Variants in CPQ observed in about 807,000 individuals in gnomAD.
The protein encoded by CPQ is Ser-Met dipeptidase.
Under a neutral mutation model 45.7 loss-of-function variants are expected in CPQ, and 37 were observed. The observed-to-expected ratio is 0.81, with a 90% confidence interval of 0.62 to 1.07. The LOEUF (loss-of-function observed/expected upper bound fraction) is 1.07, where lower values mean the gene tolerates loss of function less well. CPQ is among the 50% of genes least tolerant of loss of function. The pLI is 0.00. For synonymous variants in CPQ, 186 were observed against 205.8 expected (o/e 0.90, Z 0.82); for missense variants, 537 against 572.9 (o/e 0.94, Z 0.64).
At position 96,896,656 on chromosome 8, in the gene CPQ, A is replaced by G. The variant is rs547631588; in HGVS notation, c.849+16651A>G. ...TCCCTGAGAAGCCTCTCTTAATTAC[A>G]CACCCATATACAATGTTTCTCTCTT... On this transcript the variant is annotated intron_variant, in intron 4 of 7. Coordinates refer to ENST00000220763, the MANE Select transcript of CPQ (RefSeq NM_016134.4). 5.4e-4 allele frequency among the ~76,000 whole-genome samples: 82 copies of G among 152,242 alleles called. 1 individual carries two copies. Among genetic ancestry groups the G allele is most frequent in the Non-Finnish European group, 1.0e-3 (69 of 68,004 alleles).
At chr8:96,758,525 G>C (rs888112255) in intron 1 of CPQ, among the ~76,000 whole-genome samples, 8 of 152,138 alleles carry the variant, frequency 5.3e-5, no homozygotes, top group African/African-American at 1.9e-4. Flanking sequence ...TACTTTGCCA[G>C]TCAATGAAGG....
intron 5 of CPQ, among the ~76,000 whole-genome samples, chr8:96,975,984 G>A (rs370153859): frequency 6.6e-6 from 1 of 152,092 alleles, no homozygotes; most frequent in East Asian, 1.9e-4. Flanking sequence ...GGAAGTCCTA[G>A]CTAGAGTCAT....
rs558062596 is a variant in CPQ, at chr8:96,668,316, A to T, written c.-35+22914A>T. ...TATATGTCTGCAATCAGACATTTAG[A>T]TATTGAAAATCTAAACATGAATCTT... On this transcript the variant is annotated intron_variant, in intron 1 of 7. Transcript: ENST00000220763. 4.7e-4 allele frequency among the ~76,000 whole-genome samples: 72 copies of T among 152,364 alleles called. 1 individual carries two copies. In the South Asian group the frequency reaches 0.015, roughly 32 times the overall value.
intron 4 of CPQ, among the ~76,000 whole-genome samples, chr8:96,931,040 G>A (rs1444238033): frequency 6.6e-6 from 1 of 152,138 alleles, no homozygotes; most frequent in Non-Finnish European, 1.5e-5. Context: ...CAATGACTAC[G>A]ACACACTGAA....
chr8:97,028,811 A>G (rs1375457477), intron 5 of CPQ, among the ~76,000 whole-genome samples: 1 of 152,206 alleles, frequency 6.6e-6, no homozygotes, highest in African/African-American at 2.4e-5. Context: ...ATCCTCATTC[A>G]ATTAATTTTC....
chr8:96,697,752 A>G (rs954175734), intron 1 of CPQ, among the ~76,000 whole-genome samples: 1 of 152,122 alleles, frequency 6.6e-6, no homozygotes, highest in Non-Finnish European at 1.5e-5. Context: ...AAGTAATCCC[A>G]CTTACAGTAG....
chr8:96,763,368 T>C (rs1044927278), intron 1 of CPQ, among the ~76,000 whole-genome samples: 5 of 152,174 alleles, frequency 3.3e-5, no homozygotes, highest in African/African-American at 1.2e-4. Flanking sequence ...TGAATTGCCT[T>C]TGTACCTTTC....
At position 96,708,899 on chromosome 8, in the gene CPQ, A is replaced by G. The variant is rs75957409; in HGVS notation, c.-35+63497A>G. 6.4e-3 allele frequency among the ~76,000 whole-genome samples: 979 copies of G among 152,290 alleles called. 1 individual carries two copies. Among genetic ancestry groups the G allele is most frequent in the Non-Finnish European group, 0.011 (724 of 68,012 alleles). On this transcript the variant is annotated intron_variant, in intron 1 of 7. Coordinates refer to ENST00000220763, the MANE Select transcript of CPQ (RefSeq NM_016134.4). Reference sequence around the variant, plus strand: ...ATCACCCACCATTCACCACTGTTGAATATTCTTAATATATAACTCCTAAAA... The same window carrying G: ...ATCACCCACCATTCACCACTGTTGAGTATTCTTAATATATAACTCCTAAAA...
chr8:96,790,616 C>G (rs140636813), intron 2 of CPQ, among the ~76,000 whole-genome samples: 1 of 152,036 alleles, frequency 6.6e-6, no homozygotes, highest in East Asian at 1.9e-4. Flanking sequence ...AAAGCTCTTA[C>G]GTTCTTGTCT....
intron 2 of CPQ, among the ~76,000 whole-genome samples, chr8:96,827,371 C>T (rs1246558880): frequency 2.0e-5 from 3 of 152,068 alleles, no homozygotes; most frequent in Non-Finnish European, 4.4e-5. Flanking sequence ...GCCTACTCCA[C>T]TTTTCTGTCC....
chr8:97,087,639 C>T (rs1009922331), intron 7 of CPQ, among the ~76,000 whole-genome samples: 10 of 152,022 alleles, frequency 6.6e-5, no homozygotes, highest in Admixed American at 6.6e-5. Context: ...CTAAATTAGC[C>T]AAGTTTGTGC....
At chr8:96,844,783 A>C (rs1034677186) in intron 3 of CPQ, among the ~76,000 whole-genome samples, 1 of 152,038 alleles carries the variant, frequency 6.6e-6, no homozygotes, top group Admixed American at 6.5e-5. Flanking sequence ...GTGTTCAAAG[A>C]CTCAAAAGAC....
At chr8:96,772,508 T>C (rs931804192) in intron 1 of CPQ, among the ~76,000 whole-genome samples, 1 of 152,006 alleles carries the variant, frequency 6.6e-6, no homozygotes. Context: ...AAATGATATA[T>C]GGTGCCTTGA....
intron 2 of CPQ, among the ~76,000 whole-genome samples, chr8:96,787,410 T>G (rs905167945): frequency 2.6e-5 from 4 of 152,014 alleles, no homozygotes; most frequent in Non-Finnish European, 5.9e-5. Context: ...CCCACTTGAT[T>G]ACAATACATA....
At chr8:97,109,831 A>G (rs1300598858) in intron 7 of CPQ, among the ~76,000 whole-genome samples, 2 of 151,948 alleles carry the variant, frequency 1.3e-5, no homozygotes, top group South Asian at 2.1e-4. Context: ...CCTCAGGCCA[A>G]TGCACATCCC....
chr8:96,958,193 A>C (rs1486991667), intron 4 of CPQ, among the ~76,000 whole-genome samples: 1 of 152,048 alleles, frequency 6.6e-6, no homozygotes, highest in Non-Finnish European at 1.5e-5. Flanking sequence ...CTGGGACATA[A>C]TGGTAAGTGA....
intron 7 of CPQ, among the ~76,000 whole-genome samples, chr8:97,136,084 A>C (rs1812052567): frequency 6.6e-6 from 1 of 152,168 alleles, no homozygotes; most frequent in South Asian, 2.1e-4. Context: ...TGCTGTGAAC[A>C]GTATGGGGCA....
intron 3 of CPQ, among the ~76,000 whole-genome samples, chr8:96,856,260 T>G (rs142459515): frequency 2.6e-5 from 4 of 152,290 alleles, no homozygotes; most frequent in African/African-American, 9.6e-5. Context: ...TAGGAGGCTA[T>G]TCCAATAGTC....
intron 5 of CPQ, among the ~76,000 whole-genome samples, chr8:96,994,886 G>C (rs1367640999): frequency 2.0e-5 from 3 of 152,022 alleles, no homozygotes; most frequent in Non-Finnish European, 4.4e-5. Context: ...TATGCTAAGT[G>C]CTAATCATTG....
Sources: gnomAD v4.1 joint callset for allele counts (sites outside exome capture counted in the v4.1 genomes callset) on GRCh38, gnomAD v4.1.1 for gene constraint, MANE v1.5 for transcripts, NCBI Gene and HGNC (gene_info 2026-07-23, HGNC 2026-07-21) for gene names.